The following CSMD3 variants were observed in gnomAD, a reference collection of about 807,000 sequenced individuals.
CSMD3 encodes CUB and sushi domain-containing protein 3.
CSMD3 carries 177 observed loss-of-function variants against 435.2 expected under a neutral mutation model. The observed-to-expected ratio is 0.41, with a 90% CI of 0.36 to 0.46. The LOEUF (loss-of-function observed/expected upper bound fraction) is 0.46, where lower values mean the gene tolerates loss of function less well. Among genes scored for constraint, CSMD3 ranks in the 20% least tolerant of loss-of-function variants. The probability of loss-of-function intolerance (pLI) is 0.34; values close to 1 mark genes in which losing one functional copy is unlikely to be tolerated. For synonymous variants in CSMD3, 1,656 were observed against 1,520.5 expected (o/e 1.09, Z -2.07); for missense variants, 4,265 against 4,504.6 (o/e 0.95, Z 1.52).
chr8:112,778,115 T>G (rs1031872625), intron 13 of CSMD3, among the ~76,000 whole-genome samples: 1 of 151,868 alleles, frequency 6.6e-6, no homozygotes, highest in Non-Finnish European at 1.5e-5. Flanking sequence ...TACAGAGTTT[T>G]CATATACTCC....
intron 22 of CSMD3, among the ~76,000 whole-genome samples, chr8:112,601,473 T>G (rs1413166495): frequency 6.6e-6 from 1 of 152,136 alleles, no homozygotes; most frequent in African/African-American, 2.4e-5. Context: ...TCAAGGAACT[T>G]CACTTTCTCA....
In CSMD3 at chr8:112,369,931, CAAG is replaced by C. The variant is rs758434221; in HGVS notation, c.6136+10418_6136+10420del. On this transcript the variant is annotated intron_variant, in intron 38 of 70. Transcript: ENST00000297405. ...ATAAATAAATCACAATTTGCTATTG[CAAG>C]AAGAAGAAGAAGAGGGGGAGGAGGA... 4.4e-4 allele frequency among the ~76,000 whole-genome samples: 43 copies of C among 97,608 alleles called. 2 individuals are homozygous for C. The highest frequency in any genetic ancestry group is 1.1e-3 in the African/African-American group (35 of 32,106). The allele number at this position is 97,608 out of a possible 152,430, so 64.0% of individuals were successfully genotyped here.
chr8:112,553,820 C>T (rs1586670230), intron 25 of CSMD3, among the ~76,000 whole-genome samples: 1 of 151,954 alleles, frequency 6.6e-6, no homozygotes, highest in Non-Finnish European at 1.5e-5. Flanking sequence ...TTGTAGGCTG[C>T]ATATATGTTA....
intron 6 of CSMD3, among the ~76,000 whole-genome samples, chr8:112,990,328 G>A (rs906735840): frequency 6.6e-6 from 1 of 151,862 alleles, no homozygotes; most frequent in South Asian, 2.1e-4. Flanking sequence ...CTACACATGC[G>A]AGCAAAAAAG....
chr8:112,493,321 G>A (rs1190250883), intron 30 of CSMD3, among the ~76,000 whole-genome samples: 1 of 151,562 alleles, frequency 6.6e-6, no homozygotes, highest in Non-Finnish European at 1.5e-5. Context: ...AATTACTTTG[G>A]AAAAAAAGAA....
intron 1 of CSMD3, among the ~76,000 whole-genome samples, chr8:113,341,142 T>C (rs2094116015): frequency 6.6e-6 from 1 of 152,166 alleles, no homozygotes; most frequent in Admixed American, 6.6e-5. Context: ...CGTGTATATA[T>C]ATGTAAGTGC....
At chr8:112,822,535 G>A (rs1285002187) in intron 12 of CSMD3, among the ~76,000 whole-genome samples, 2 of 152,078 alleles carry the variant, frequency 1.3e-5, no homozygotes, top group Non-Finnish European at 2.9e-5. Context: ...TTGCTTACCA[G>A]CTTGAGGAGT....
intron 5 of CSMD3, among the ~76,000 whole-genome samples, chr8:113,094,302 G>GC (rs1176601304): frequency 6.6e-6 from 1 of 152,102 alleles, no homozygotes; most frequent in Non-Finnish European, 1.5e-5. Flanking sequence ...GCATAGAGCA[G>GC]CCCCCTAAAT....
At chr8:113,110,649 T>A (rs2090610911) in intron 4 of CSMD3, among the ~76,000 whole-genome samples, 1 of 152,284 alleles carries the variant, frequency 6.6e-6, no homozygotes, top group Middle Eastern at 3.4e-3. Flanking sequence ...TTCTGAACCC[T>A]CACCAAGATT....
At chr8:112,770,007 TAGAC>T (rs1254212653) in intron 13 of CSMD3, among the ~76,000 whole-genome samples, 1 of 152,040 alleles carries the variant, frequency 6.6e-6, no homozygotes, top group Non-Finnish European at 1.5e-5. Flanking sequence ...ATGTTAAAGA[TAGAC>T]AGTTTTATTA....
Position 113,329,233 on chromosome 8 carries a change from A to AAATAAATAAATAAATG in CSMD3, c.179-14441_179-14440insCATTTATTTATTTATT, listed in dbSNP as rs1196514500. Among the ~76,000 whole-genome samples the AAATAAATAAATAAATG allele has an allele frequency of 3.0e-3, 457 of 151,270 alleles. 2 individuals are homozygous for AAATAAATAAATAAATG. Among genetic ancestry groups the AAATAAATAAATAAATG allele is most frequent in the African/African-American group, 0.011 (438 of 41,350 alleles). On this transcript the variant is annotated intron_variant, in intron 1 of 70. Transcript: ENST00000297405. ...TAAATAAATAAATAAATAAATAAAT[A>AAATAAATAAATAAATG]AGGAATTAACTGAAAATGTACAAAT...
chr8:112,267,343 T>G (rs571152276), intron 59 of CSMD3, among the ~76,000 whole-genome samples: 1 of 152,136 alleles, frequency 6.6e-6, no homozygotes, highest in South Asian at 2.1e-4. Context: ...AATAATAGAG[T>G]TTTATATTCA....
chr8:113,353,239 T>G (rs2094201344), intron 1 of CSMD3, among the ~76,000 whole-genome samples: 1 of 152,108 alleles, frequency 6.6e-6, no homozygotes, highest in African/African-American at 2.4e-5. Context: ...TAACTTGGGA[T>G]TGTAGAATTA....
intron 1 of CSMD3, among the ~76,000 whole-genome samples, chr8:113,354,702 T>C (rs557960134): frequency 3.3e-5 from 5 of 152,164 alleles, no homozygotes; most frequent in Non-Finnish European, 5.9e-5. Flanking sequence ...TGTAATGGCA[T>C]GATGTTGGCT....
intron 11 of CSMD3, among the ~76,000 whole-genome samples, chr8:112,856,421 T>C (rs1304822358): frequency 1.3e-5 from 2 of 151,870 alleles, no homozygotes; most frequent in African/African-American, 4.8e-5. Flanking sequence ...TATGTAATGA[T>C]AATTTTGCTT....
At chr8:113,364,647 G>GT (rs555024789) in intron 1 of CSMD3, among the ~76,000 whole-genome samples, 3 of 151,974 alleles carry the variant, frequency 2.0e-5, no homozygotes, top group African/African-American at 4.8e-5. Context: ...TTAAGTGTGA[G>GT]TTTTTTTCCT....
At chr8:113,278,832 T>C (rs1188725249) in intron 2 of CSMD3, 128 bp from the exon 3 acceptor site, 1 of 624,026 alleles carries the variant, frequency 1.6e-6, no homozygotes, top group Non-Finnish European at 3.0e-6. Flanking sequence ...GAAGGAATGC[T>C]ATCCAGCCAA....
rs183445507 is a variant in CSMD3 at position 112,265,283 on chromosome 8, A to G, written c.9688+128T>C. The G allele has an allele frequency of 4.2e-3, 2,022 of 478,994 alleles. 3 individuals are homozygous for G. Among genetic ancestry groups the G allele is most frequent in the Non-Finnish European group, 5.1e-3 (1,437 of 281,852 alleles). The allele number at this position is 478,994 out of a possible 1,614,324, so 29.7% of individuals were successfully genotyped here. On this transcript the variant is annotated intron_variant, in intron 60 of 70. Coordinates refer to ENST00000297405, the MANE Select transcript of CSMD3 (RefSeq NM_198123.2). ...AAATTTTTAAGAAACAGCCATTTTT[A>G]GTACTAGAAAAATAAATGCAACCTG...
intron 2 of CSMD3, among the ~76,000 whole-genome samples, chr8:113,293,598 T>C (rs2093700393): frequency 6.6e-6 from 1 of 152,152 alleles, no homozygotes; most frequent in Admixed American, 6.6e-5. Flanking sequence ...TTTTGTATTC[T>C]GGAAAGCCCA....
Sources: gnomAD v4.1 joint callset for allele counts (sites outside exome capture counted in the v4.1 genomes callset) on GRCh38, gnomAD v4.1.1 for gene constraint, MANE v1.5 for transcripts, NCBI Gene and HGNC (gene_info 2026-07-23, HGNC 2026-07-21) for gene names.